WWOX: variants seen among roughly 807,000 people sequenced by gnomAD.
WWOX encodes WW domain-containing oxidoreductase.
In WWOX, 69 loss-of-function variants were observed where a neutral mutation model predicts 46.2. The observed-to-expected ratio is 1.49, with a 90% confidence interval of 1.23 to 1.82. The LOEUF is 1.82. Among genes scored for constraint, WWOX ranks in the 40% most tolerant of loss-of-function variants. WWOX has a pLI of 0.00. For missense variants in WWOX, 919 were observed against 542.6 expected, an observed-to-expected ratio of 1.69 and a Z score of -6.89; for synonymous variants, 359 against 202.6, an observed-to-expected ratio of 1.77 and a Z score of -6.56.
chr16:79,087,671 G>C (rs67789620), intron 8 of WWOX, among the ~76,000 whole-genome samples: 13,676 of 152,246 alleles, frequency 0.09, 1,106 homozygotes, highest in African/African-American at 0.22. Flanking sequence ...ACCCTAGATC[G>C]TTGCATTTGT....
intron 8 of WWOX, among the ~76,000 whole-genome samples, chr16:78,976,624 C>T (rs1051164636): frequency 5.3e-5 from 8 of 152,200 alleles, no homozygotes; most frequent in African/African-American, 1.7e-4. Flanking sequence ...TGAACATCCA[C>T]ACCCGCGAAG....
chr16:79,064,352 T>G (rs2048405748), intron 8 of WWOX, among the ~76,000 whole-genome samples: 1 of 152,202 alleles, frequency 6.6e-6, no homozygotes, highest in African/African-American at 2.4e-5. Flanking sequence ...GCACTGTAAG[T>G]TTCAGTTTCC....
intron 8 of WWOX, among the ~76,000 whole-genome samples, chr16:78,601,221 C>T (rs958885064): frequency 6.6e-6 from 1 of 152,192 alleles, no homozygotes; most frequent in Non-Finnish European, 1.5e-5. Context: ...TTCAGTGCCA[C>T]CTGCCTTATT....
intron 5 of WWOX, chr16:78,237,438 A>C (rs893610881): frequency 6.6e-6 from 1 of 152,224 alleles, no homozygotes; most frequent in Non-Finnish European, 1.5e-5. Flanking sequence ...AATGACTTGA[A>C]CATCAAAGGC....
intron 8 of WWOX, chr16:78,898,345 A>G (rs969854446): frequency 6.6e-6 from 1 of 152,016 alleles, no homozygotes; most frequent in Non-Finnish European, 1.5e-5. Flanking sequence ...GTAGAGGTTT[A>G]TTTTTCTCTC....
Position 78,832,623 on chromosome 16 carries a change from C to A in WWOX, c.1057-378985C>A, listed in dbSNP as rs189100612. The stretch of plus-strand genomic sequence containing the variant: ...GGAGTGTGGGAAAATGCGTCCCTCT[C>A]TCCTTCCTGGATTAGAAAAGTCATC... On this transcript the variant is annotated intron_variant, in intron 8 of 8. Transcript: ENST00000566780. Among the ~76,000 whole-genome samples the A allele has an allele frequency of 1.1e-3, 161 of 152,256 alleles. 1 individual carries two copies. The highest frequency in any genetic ancestry group is 1.8e-4 in the Non-Finnish European group (12 of 68,024).
chr16:78,409,511 T>C (rs945344326), intron 6 of WWOX, among the ~76,000 whole-genome samples: 2 of 152,194 alleles, frequency 1.3e-5, no homozygotes, highest in Non-Finnish European at 2.9e-5. Flanking sequence ...GCATAATGCA[T>C]GCAGTATTTG....
At chr16:78,917,080 T>C (rs1322759238) in intron 8 of WWOX, among the ~76,000 whole-genome samples, 1 of 152,210 alleles carries the variant, frequency 6.6e-6, no homozygotes, top group African/African-American at 2.4e-5. Context: ...AGATTCAATA[T>C]AGTAGGAGAA....
chr16:78,243,897 A>T (rs2037736386), intron 5 of WWOX, among the ~76,000 whole-genome samples: 1 of 152,196 alleles, frequency 6.6e-6, no homozygotes, highest in Non-Finnish European at 1.5e-5. Flanking sequence ...GTTTCCACTT[A>T]CAAATGAGAA....
At chr16:78,436,064 C>T (rs1435322384) in intron 8 of WWOX, among the ~76,000 whole-genome samples, 2 of 152,172 alleles carry the variant, frequency 1.3e-5, no homozygotes, top group East Asian at 3.9e-4. Flanking sequence ...GGCTGCCATA[C>T]TGGAGAGCGT....
intron 5 of WWOX, among the ~76,000 whole-genome samples, chr16:78,376,199 G>C (rs900601305): frequency 6.6e-6 from 1 of 152,192 alleles, no homozygotes; most frequent in African/African-American, 2.4e-5. Flanking sequence ...TCAAGGAAGA[G>C]ATTGTTCTGT....
Position 78,349,375 on chromosome 16 carries a change from A to G in WWOX, c.517-37485A>G, listed in dbSNP as rs1364017802. Among the ~76,000 whole-genome samples, 3 of 121,106 alleles carry G rather than the reference A, an allele frequency of 2.5e-5. 1 individual carries two copies. Among genetic ancestry groups the G allele is most frequent in the African/African-American group, 8.4e-5 (3 of 35,728 alleles). 79.5% of individuals were successfully genotyped at this position (121,106 alleles called of 152,430 possible). A position where few individuals can be genotyped will look rare whatever the true frequency, so the allele number is the denominator to read the frequency against. On this transcript the variant is annotated intron_variant, in intron 5 of 8. Transcript: ENST00000566780. ...TCTTCAGCATATGAATTTTGGGGAA[A>G]CAGAATCCAGCTAACAACAGTTGGG...
chr16:78,928,548 T>C (rs1249742588), intron 8 of WWOX, among the ~76,000 whole-genome samples: 1 of 152,204 alleles, frequency 6.6e-6, no homozygotes, highest in African/African-American at 2.4e-5. Flanking sequence ...AAGTGAATAC[T>C]GATTTTTCGT....
At chr16:78,187,581 CCA>C (rs1224162536) in intron 5 of WWOX, among the ~76,000 whole-genome samples, 18 of 152,082 alleles carry the variant, frequency 1.2e-4, no homozygotes, top group African/African-American at 3.9e-4. Flanking sequence ...CCAGCCTGGT[CCA>C]CACACAGAGT....
At chr16:78,566,180 C>T (rs2044560068) in intron 8 of WWOX, among the ~76,000 whole-genome samples, 1 of 152,038 alleles carries the variant, frequency 6.6e-6, no homozygotes, top group African/African-American at 2.4e-5. Context: ...ATACTAATCC[C>T]ATCGTACCCC....
intron 8 of WWOX, among the ~76,000 whole-genome samples, chr16:79,027,782 T>A (rs112346623): frequency 6.6e-6 from 1 of 151,798 alleles, no homozygotes; most frequent in African/African-American, 2.4e-5. Context: ...AGATGTCTCT[T>A]GATATAGAAG....
chr16:79,052,151 C>G (rs910847780), intron 8 of WWOX, among the ~76,000 whole-genome samples: 3 of 151,962 alleles, frequency 2.0e-5, no homozygotes, highest in East Asian at 3.9e-4. Flanking sequence ...AACTCGTCAT[C>G]TAGCATTAGG....
Position 79,021,548 on chromosome 16 carries a change from G to A in WWOX, c.1057-190060G>A, listed in dbSNP as rs570595974. ...CCATTAAAGAACACAGCTCATGGTCGGTCCATTAACTACTAATTATCAAAA... is the reference window on the plus strand; with the variant it reads ...CCATTAAAGAACACAGCTCATGGTCAGTCCATTAACTACTAATTATCAAAA... On this transcript the variant is annotated intron_variant, in intron 8 of 8. Coordinates refer to ENST00000566780, the MANE Select transcript of WWOX (RefSeq NM_016373.4). Among the ~76,000 whole-genome samples, 38 of 152,052 alleles carry A rather than the reference G, an allele frequency of 2.5e-4. 1 individual carries two copies. The highest frequency in any genetic ancestry group is 4.8e-5 in the African/African-American group (2 of 41,384).
At chr16:78,888,901 C>G (rs1252524654) in intron 8 of WWOX, among the ~76,000 whole-genome samples, 1 of 152,090 alleles carries the variant, frequency 6.6e-6, no homozygotes, top group Non-Finnish European at 1.5e-5. Flanking sequence ...TCTTCCATTC[C>G]TCACAGTGGC....
Sources: allele counts gnomAD v4.1 joint callset (sites outside exome capture counted in the v4.1 genomes callset), GRCh38; gene constraint gnomAD v4.1.1; transcripts MANE v1.5; gene names NCBI Gene and HGNC (gene_info 2026-07-23, HGNC 2026-07-21).